TNFSF4: variants seen among roughly 807,000 people sequenced by gnomAD.
TNFSF4 encodes tumor necrosis factor ligand superfamily member 4.
A neutral mutation model predicts 7.3 loss-of-function variants in TNFSF4; 4 were observed. That is an observed-to-expected ratio of 0.55 (90% confidence interval 0.27 to 1.25). The LOEUF (loss-of-function observed/expected upper bound fraction) is 1.25, where lower values mean the gene tolerates loss of function less well. TNFSF4 is among the 50% of genes most tolerant of loss of function. TNFSF4 has a pLI of 0.12. For synonymous variants in TNFSF4, 76 were observed against 83.7 expected (o/e 0.91, Z 0.50); for missense variants, 181 against 208.8 (o/e 0.87, Z 0.82).
chr1:173,208,849 CAAA>C (rs572693565), upstream of TNFSF4, among the ~76,000 whole-genome samples: 1 of 85,154 alleles, frequency 1.2e-5, no homozygotes, highest in Non-Finnish European at 2.6e-5. Flanking sequence ...AGAGTCACAG[CAAA>C]AAAAAAAAAA....
At chr1:173,412,597 AG>A in the TNFSF4 span, among the ~76,000 whole-genome samples, 1 of 152,260 alleles carries the variant, frequency 6.6e-6, no homozygotes. Context: ...TATTTAGCAA[AG>A]GACTCATATC....
chr1:173,387,004 T>A, the TNFSF4 span, among the ~76,000 whole-genome samples: 5 of 152,218 alleles, frequency 3.3e-5, no homozygotes, highest in African/African-American at 1.2e-4. Flanking sequence ...TGGAAAGCAA[T>A]TTGCCTCAGG....
the TNFSF4 span, among the ~76,000 whole-genome samples, chr1:173,173,042 T>C: frequency 2.6e-5 from 4 of 152,274 alleles, 1 homozygote; most frequent in South Asian, 4.1e-4. Context: ...TCAGATCTCA[T>C]GACTACTCCC....
chr1:173,235,320 G>A, the TNFSF4 span, among the ~76,000 whole-genome samples: 1 of 152,132 alleles, frequency 6.6e-6, no homozygotes, highest in African/African-American at 2.4e-5. Context: ...AGAAAAAAGG[G>A]GGACCTTTCA....
chr1:173,205,460 C>A, intron 1 of TNFSF4: 2 of 1,541,872 alleles, frequency 1.3e-6, no homozygotes, highest in Admixed American at 1.8e-5. Context: ...ACCCCAACCA[C>A]CAGCAAGCTG....
the TNFSF4 span, among the ~76,000 whole-genome samples, chr1:173,337,800 G>A: frequency 6.6e-6 from 1 of 152,160 alleles, no homozygotes; most frequent in Admixed American, 6.5e-5. Context: ...GAAGAAACAT[G>A]ATTAGAAAAT....
At chr1:173,349,312 G>A in the TNFSF4 span, among the ~76,000 whole-genome samples, 1 of 152,206 alleles carries the variant, frequency 6.6e-6, no homozygotes, top group Non-Finnish European at 1.5e-5. Context: ...ACAGGCGTGA[G>A]CCACCACGCC....
At chr1:173,251,934 T>C in the TNFSF4 span, among the ~76,000 whole-genome samples, 1 of 152,186 alleles carries the variant, frequency 6.6e-6, no homozygotes, top group African/African-American at 2.4e-5. Context: ...AACGTGTCCT[T>C]TGTTGAAGTC....
chr1:173,409,903 C>T, the TNFSF4 span, among the ~76,000 whole-genome samples: 1 of 152,178 alleles, frequency 6.6e-6, no homozygotes, highest in Non-Finnish European at 1.5e-5. Flanking sequence ...CATGTACACC[C>T]TCCTGCTGCA....
chr1:173,247,813 C>T, the TNFSF4 span, among the ~76,000 whole-genome samples: 1 of 152,096 alleles, frequency 6.6e-6, no homozygotes, highest in Non-Finnish European at 1.5e-5. Flanking sequence ...TGCCAAGCTT[C>T]GTGATACATT....
the TNFSF4 span, among the ~76,000 whole-genome samples, chr1:173,349,036 A>G: frequency 6.6e-6 from 1 of 151,774 alleles, no homozygotes; most frequent in Admixed American, 6.6e-5. Context: ...TATTATTATT[A>G]TTATTTTTTT....
chr1:173,245,140 G>A, the TNFSF4 span, among the ~76,000 whole-genome samples: 3 of 151,970 alleles, frequency 2.0e-5, no homozygotes, highest in Non-Finnish European at 4.4e-5. Flanking sequence ...CTTCCTTTTA[G>A]TTGTTTTCTC....
the TNFSF4 span, among the ~76,000 whole-genome samples, chr1:173,288,930 T>G: frequency 6.6e-6 from 1 of 152,030 alleles, no homozygotes; most frequent in African/African-American, 2.4e-5. Flanking sequence ...AGTATGTAAA[T>G]GGAATTTTTA....
the TNFSF4 span, among the ~76,000 whole-genome samples, chr1:173,304,307 G>A: frequency 6.6e-6 from 1 of 151,894 alleles, no homozygotes; most frequent in African/African-American, 2.4e-5. Flanking sequence ...TGGCAGTGCT[G>A]AGAGTTCTTA....
the TNFSF4 span, among the ~76,000 whole-genome samples, chr1:173,250,757 C>G: frequency 6.6e-6 from 1 of 152,172 alleles, no homozygotes. Flanking sequence ...CCGCGCCCGG[C>G]CTCTCCAGTT....
At chr1:173,380,716 C>A in the TNFSF4 span, among the ~76,000 whole-genome samples, 4 of 152,238 alleles carry the variant, frequency 2.6e-5, no homozygotes, top group Non-Finnish European at 5.9e-5. Flanking sequence ...TTTTCTCCAA[C>A]GGGAAAACAG....
the TNFSF4 span, among the ~76,000 whole-genome samples, chr1:173,387,990 T>TA: frequency 1.2e-4 from 18 of 152,350 alleles, no homozygotes; most frequent in Non-Finnish European, 2.4e-4. Flanking sequence ...GGTTGCATGA[T>TA]ATATGACACT....
chr1:173,392,587 A>C, the TNFSF4 span, among the ~76,000 whole-genome samples: 17 of 152,214 alleles, frequency 1.1e-4, no homozygotes, highest in African/African-American at 3.6e-4. Flanking sequence ...ATTTACTGAG[A>C]AATGATGCCA....
chr1:173,187,952 A>G (rs1649302787), intron 2 of TNFSF4, among the ~76,000 whole-genome samples: 1 of 152,232 alleles, frequency 6.6e-6, no homozygotes, highest in Non-Finnish European at 1.5e-5. Flanking sequence ...ACTGAAAAAG[A>G]GGACCACTTA....
Sources: gnomAD v4.1 joint callset for allele counts (sites outside exome capture counted in the v4.1 genomes callset) on GRCh38, gnomAD v4.1.1 for gene constraint, MANE v1.5 for transcripts, NCBI Gene and HGNC (gene_info 2026-07-23, HGNC 2026-07-21) for gene names.